The following ETFA variants were observed in gnomAD, a reference collection of about 807,000 sequenced individuals.
ETFA encodes the protein electron transfer flavoprotein subunit alpha, mitochondrial.
ETFA carries 22 observed loss-of-function variants against 46.2 expected under a neutral mutation model. The observed-to-expected ratio is 0.48, with a 90% CI of 0.34 to 0.68. The LOEUF is 0.68. Among genes scored for constraint, ETFA ranks in the 30% least tolerant of loss-of-function variants. The pLI, the probability that ETFA is intolerant of heterozygous loss-of-function variation, is 0.01. For missense variants in ETFA, 345 were observed against 401.1 expected (o/e 0.86, Z 1.19); for synonymous variants, 131 against 139.9 (o/e 0.94, Z 0.45).
chr15:76,305,040 CA>C (rs60175516), intron 1 of ETFA, among the ~76,000 whole-genome samples: 40,721 of 140,198 alleles, frequency 0.29, 5,940 homozygotes, highest in East Asian at 0.59. Context: ...GACTCTGTCT[CA>C]AAAAAAAAAA....
intron 9 of ETFA, among the ~76,000 whole-genome samples, chr15:76,270,579 G>A (rs2039519332): frequency 6.6e-6 from 1 of 152,168 alleles, no homozygotes; most frequent in South Asian, 2.1e-4. Flanking sequence ...AACTAGCATT[G>A]AGATATTGGC....
intron 10 of ETFA, chr15:76,228,751 C>CTTTTT (rs990306452): frequency 4.3e-5 from 5 of 115,300 alleles, no homozygotes; most frequent in South Asian, 2.7e-4. Context: ...ATTATTATTA[C>CTTTTT]TTTTTTTTTT....
chr15:76,310,225 T>G (rs1000002825), intron 1 of ETFA, among the ~76,000 whole-genome samples: 3 of 151,464 alleles, frequency 2.0e-5, no homozygotes, highest in Non-Finnish European at 4.4e-5. Context: ...CACTCCAGCA[T>G]GGGAAACAGA....
At chr15:76,239,179 A>C (rs4886485) in intron 9 of ETFA, among the ~76,000 whole-genome samples, 47,225 of 152,146 alleles carry the variant, frequency 0.31, 9,090 homozygotes, top group Middle Eastern at 0.44. Context: ...GAGAAAGCAG[A>C]GTCTCAGGCA....
intron 9 of ETFA, among the ~76,000 whole-genome samples, chr15:76,239,786 T>TAAA (rs200710641): frequency 3.0e-5 from 4 of 133,288 alleles, no homozygotes; most frequent in African/African-American, 1.1e-4. Context: ...TTGTACATAT[T>TAAA]AAAAAAAAAA....
rs1438205437 is a variant in ETFA, at chr15:76,216,345, A to G, written c.*214T>C. ...ATTATAGATTTTAGTACAGAATTTA[A>G]AAAGTTCAAACAATAATTGTTTGGA... On this transcript the variant is annotated 3_prime_UTR_variant, in exon 12 of 12. Coordinates refer to ENST00000557943, the MANE Select transcript of ETFA (RefSeq NM_000126.4). 9 of 536,370 alleles carry G rather than the reference A, an allele frequency of 1.7e-5. No individual in the cohort carries two copies. Among genetic ancestry groups the G allele is most frequent in the Non-Finnish European group, 2.9e-5 (9 of 305,250 alleles). The allele number at this position is 536,370 out of a possible 1,614,324, so 33.2% of individuals were successfully genotyped here. A position where few individuals can be genotyped will look rare whatever the true frequency, so the allele number is the denominator to read the frequency against.
intron 8 of ETFA, among the ~76,000 whole-genome samples, chr15:76,277,516 A>C (rs980803603): frequency 2.3e-4 from 34 of 146,624 alleles, no homozygotes; most frequent in African/African-American, 6.2e-4. Context: ...AAAAAAAAAA[A>C]CAAAAAACCA....
intron 9 of ETFA, among the ~76,000 whole-genome samples, chr15:76,255,090 A>G (rs559851422): frequency 4.3e-4 from 66 of 152,346 alleles, no homozygotes; most frequent in Admixed American, 1.0e-3. Context: ...CTGCAGCAAC[A>G]ACCATGTCTA....
intron 1 of ETFA, among the ~76,000 whole-genome samples, chr15:76,308,140 A>G (rs2039955251): frequency 6.6e-6 from 1 of 152,244 alleles, no homozygotes; most frequent in South Asian, 2.1e-4. Flanking sequence ...ATGCAAGAAG[A>G]TAATGTTCTT....
intron 10 of ETFA, chr15:76,227,945 A>C (rs2039021398): frequency 2.2e-6 from 1 of 455,976 alleles, no homozygotes; most frequent in Non-Finnish European, 4.4e-6. Context: ...GCATAGTCAG[A>C]GACAATAAAC....
At chr15:76,252,870 T>C (rs2039312169) in intron 9 of ETFA, among the ~76,000 whole-genome samples, 1 of 121,442 alleles carries the variant, frequency 8.2e-6, no homozygotes, top group Admixed American at 8.5e-5. Flanking sequence ...AAAAAATGTA[T>C]GTGTATACAC....
intron 9 of ETFA, among the ~76,000 whole-genome samples, chr15:76,273,444 C>G (rs1596212207): frequency 6.6e-6 from 1 of 151,764 alleles, no homozygotes; most frequent in African/African-American, 2.4e-5. Flanking sequence ...TAATCCCAGC[C>G]ACTTGGGAGG....
intron 9 of ETFA, among the ~76,000 whole-genome samples, chr15:76,244,789 A>T (rs533755083): frequency 6.6e-6 from 1 of 152,242 alleles, no homozygotes; most frequent in Non-Finnish European, 1.5e-5. Flanking sequence ...TTTTCATGTC[A>T]GCTGTTAAAT....
chr15:76,233,949 GTAAACA>G lies in ETFA; in HGVS notation c.817-2557_817-2552del, dbSNP rs559271959. On this transcript the variant is annotated intron_variant, in intron 9 of 11. Transcript: ENST00000557943. Reference sequence around the variant, plus strand: ...ATAAAAATGTTGATTCACTCTGGCAGTAAACATAAACATAATATAAATGAAATTACT... The same window carrying G: ...ATAAAAATGTTGATTCACTCTGGCAGTAAACATAATATAAATGAAATTACT... 7.1e-3 allele frequency among the ~76,000 whole-genome samples: 1,081 copies of G among 152,234 alleles called. 16 individuals carry two copies. The highest frequency in any genetic ancestry group is 0.025 in the African/African-American group (1,019 of 41,526).
At chr15:76,225,689 T>G (rs563261725) in intron 11 of ETFA, among the ~76,000 whole-genome samples, 160 bp downstream of exon 11, 1 of 152,306 alleles carries the variant, frequency 6.6e-6, no homozygotes, top group Non-Finnish European at 1.5e-5. Flanking sequence ...CAACTTAACT[T>G]TAAGTAGGTC....
intron 9 of ETFA, among the ~76,000 whole-genome samples, chr15:76,234,787 A>C (rs541857223): frequency 3.3e-5 from 5 of 152,354 alleles, no homozygotes; most frequent in African/African-American, 1.2e-4. Flanking sequence ...ACCAGAGCTT[A>C]TTCTGAAATA....
chr15:76,220,516 A>ATT (rs1316462682), intron 11 of ETFA, among the ~76,000 whole-genome samples: 1 of 152,232 alleles, frequency 6.6e-6, no homozygotes, highest in Non-Finnish European at 1.5e-5. Flanking sequence ...TCATGCTTTA[A>ATT]AGGACACCAT....
Position 76,287,941 on chromosome 15 carries a change from A to G in ETFA, c.356T>C (p.Leu119Pro). 1 of 1,611,876 alleles carries G rather than the reference A, an allele frequency of 6.2e-7. No homozygotes were observed. Among genetic ancestry groups the G allele is most frequent in the South Asian group, 1.1e-5 (1 of 91,028 alleles). ...CAGASAFGKN[L>P]LPRVAAKLEV... Reference sequence around the variant, plus strand: ...AAGTTTGGCTGCTACTCTGGGCAAAAGGTTCTAAAAGCAAAATAAGCAGTG... The same window carrying G: ...AAGTTTGGCTGCTACTCTGGGCAAAGGGTTCTAAAAGCAAAATAAGCAGTG... Residue 119 changes from leucine to proline, a missense_variant, in exon 5 of 12, where the codon CTT becomes CCT. By Grantham distance (98) the Leu-to-Pro change is moderately conservative (BLOSUM62 -3). Transcript: ENST00000557943.
intron 8 of ETFA, among the ~76,000 whole-genome samples, chr15:76,279,025 T>C (rs921406661): frequency 1.3e-5 from 2 of 152,208 alleles, no homozygotes; most frequent in African/African-American, 4.8e-5. Flanking sequence ...AGCATGTTAT[T>C]ACCTGTCCCA....
Sources: allele counts gnomAD v4.1 joint callset (sites outside exome capture counted in the v4.1 genomes callset), GRCh38; gene constraint gnomAD v4.1.1; transcripts MANE v1.5; gene names NCBI Gene and HGNC (gene_info 2026-07-23, HGNC 2026-07-21).